C17orf67: variants seen among roughly 807,000 people sequenced by gnomAD.
C17orf67 encodes uncharacterized protein C17orf67.
Under a neutral mutation model 11.2 loss-of-function variants are expected in C17orf67, and 12 were observed. The ratio of observed to expected loss-of-function variants is 1.07; its 90% CI spans 0.68 to 1.73. The LOEUF (loss-of-function observed/expected upper bound fraction) is 1.73. Ranked by LOEUF, C17orf67 falls within the 40% of genes most tolerant of loss-of-function variation. The probability of loss-of-function intolerance (pLI) is 0.00; values close to 1 mark genes in which losing one functional copy is unlikely to be tolerated. For missense variants in C17orf67, 115 were observed against 113.5 expected, an observed-to-expected ratio of 1.01 and a Z score of -0.06; for synonymous variants, 59 against 46.9, an observed-to-expected ratio of 1.26 and a Z score of -1.05.
intron 7 of C17orf67, among the ~76,000 whole-genome samples, 182 bp from the exon 8 acceptor site, chr17:56,792,534 GT>G (rs1905123096): frequency 6.7e-6 from 1 of 149,668 alleles, no homozygotes; most frequent in Non-Finnish European, 1.5e-5. Context: ...GGTGGTGGTG[GT>G]GGTGGTGATG....
At chr17:56,798,933 G>C (rs1028816100) in intron 6 of C17orf67, among the ~76,000 whole-genome samples, 4 of 152,212 alleles carry the variant, frequency 2.6e-5, no homozygotes, top group Non-Finnish European at 5.9e-5. Flanking sequence ...GAAGGTGAAG[G>C]GGAGCTGATA....
At chr17:56,826,231 GGT>G (rs1567801045) in intron 2 of C17orf67, among the ~76,000 whole-genome samples, 1 of 152,202 alleles carries the variant, frequency 6.6e-6, no homozygotes, top group Admixed American at 6.5e-5. Context: ...TGGGATTACA[GGT>G]GTGAGCCACC....
intron 6 of C17orf67, among the ~76,000 whole-genome samples, chr17:56,807,559 A>G (rs1905483204): frequency 6.6e-6 from 1 of 152,198 alleles, no homozygotes; most frequent in African/African-American, 2.4e-5. Context: ...AAGAGTTTAG[A>G]CCACAATCCT....
At chr17:56,802,744 A>T (rs148662149) in intron 6 of C17orf67, among the ~76,000 whole-genome samples, 72 of 152,354 alleles carry the variant, frequency 4.7e-4, no homozygotes, top group Non-Finnish European at 8.2e-4. Context: ...TGTGAAGGAG[A>T]GCATCTTTCC....
At chr17:56,799,918 C>G (rs903006956) in intron 6 of C17orf67, among the ~76,000 whole-genome samples, 1 of 141,896 alleles carries the variant, frequency 7.0e-6, no homozygotes, top group South Asian at 2.2e-4. Flanking sequence ...ATATAAAGAA[C>G]AAAAATAGCT....
In C17orf67 at chr17:56,833,207, G is replaced by T; in HGVS notation, c.-866C>A. On this transcript the variant is annotated 5_prime_UTR_variant, in exon 2 of 8. Coordinates refer to ENST00000397861, the MANE Select transcript of C17orf67 (RefSeq NM_001085430.4). ...GATTCCGTGTTTCTTCGGGGGTGCTGAGCAGCGGTGCTTCCGCGTCCGCGT... is the reference window on the plus strand; with the variant it reads ...GATTCCGTGTTTCTTCGGGGGTGCTTAGCAGCGGTGCTTCCGCGTCCGCGT... 1 of 153,736 alleles carries T rather than the reference G, an allele frequency of 6.5e-6. No individual in the cohort carries two copies. The highest frequency in any genetic ancestry group is 1.9e-4 in the South Asian group (1 of 5,300). 9.5% of individuals were successfully genotyped at this position (153,736 alleles called of 1,614,324 possible).
intron 6 of C17orf67, among the ~76,000 whole-genome samples, chr17:56,814,431 CAG>C (rs1344426453): frequency 6.6e-6 from 1 of 152,138 alleles, no homozygotes; most frequent in Non-Finnish European, 1.5e-5. Flanking sequence ...GGGATGAGAT[CAG>C]AGCAGAACCC....
intron 6 of C17orf67, among the ~76,000 whole-genome samples, chr17:56,808,077 T>A (rs1205710890): frequency 6.6e-6 from 1 of 152,056 alleles, no homozygotes; most frequent in East Asian, 1.9e-4. Context: ...TCTCTGAAAA[T>A]GTGGGGTCAA....
At chr17:56,805,971 C>CTTTTTTTTT (rs10684052) in intron 6 of C17orf67, among the ~76,000 whole-genome samples, 2 of 98,012 alleles carry the variant, frequency 2.0e-5, no homozygotes, top group Non-Finnish European at 3.8e-5. Context: ...GTTGATTTTC[C>CTTTTTTTTT]TTTTTTTTTT....
chr17:56,821,523 G>A (rs1008286356), intron 4 of C17orf67, among the ~76,000 whole-genome samples: 8 of 152,200 alleles, frequency 5.3e-5, no homozygotes, highest in Non-Finnish European at 7.4e-5. Context: ...CCACATCTAG[G>A]CCACTGTTAT....
At chr17:56,819,539 AGAGTCG>A (rs1905846399) in intron 4 of C17orf67, among the ~76,000 whole-genome samples, 1 of 152,032 alleles carries the variant, frequency 6.6e-6, no homozygotes, top group Non-Finnish European at 1.5e-5. Context: ...GAGACTGGAG[AGAGTCG>A]GAGCCTGTAT....
intron 2 of C17orf67, among the ~76,000 whole-genome samples, chr17:56,832,451 G>C (rs981280703): frequency 6.6e-6 from 1 of 152,124 alleles, no homozygotes; most frequent in African/African-American, 2.4e-5. Context: ...GTCTCTCTGG[G>C]ATGTAATGTC....
intron 6 of C17orf67, among the ~76,000 whole-genome samples, chr17:56,798,550 G>A (rs536959729): frequency 2.0e-5 from 3 of 152,132 alleles, no homozygotes; most frequent in South Asian, 4.2e-4. Flanking sequence ...CATGGCAGTC[G>A]GGCATCATGG....
intron 2 of C17orf67, among the ~76,000 whole-genome samples, chr17:56,831,957 T>C (rs1906216416): frequency 6.6e-6 from 1 of 151,388 alleles, no homozygotes; most frequent in Admixed American, 6.6e-5. Flanking sequence ...TTTTTCTTTC[T>C]TTTTTTTTGA....
chr17:56,814,721 TA>T lies in C17orf67; in HGVS notation c.156+147del, dbSNP rs535124686. ...ACCTCCAAAGGAGAAAATGCATAGG[TA>T]AAAGATTGAGATTGCAGCTATCTTC... On this transcript the variant is annotated intron_variant, in intron 6 of 7. Transcript: ENST00000397861. 490 of 766,026 alleles carry T rather than the reference TA, an allele frequency of 6.4e-4. 2 individuals carry two copies. The African/African-American group carries it at 6.5e-3, about 10-fold the overall frequency. 47.5% of individuals were successfully genotyped at this position (766,026 alleles called of 1,614,324 possible).
At chr17:56,818,167 A>G (rs921234174) in intron 4 of C17orf67, among the ~76,000 whole-genome samples, 3 of 152,112 alleles carry the variant, frequency 2.0e-5, no homozygotes, top group Admixed American at 6.5e-5. Flanking sequence ...AAAAAAAAAA[A>G]AAAGAAAAAA....
At chr17:56,828,300 G>A (rs1302095650) in intron 2 of C17orf67, among the ~76,000 whole-genome samples, 1 of 151,906 alleles carries the variant, frequency 6.6e-6, no homozygotes, top group Non-Finnish European at 1.5e-5. Flanking sequence ...AGCTACTCGG[G>A]AGGCTGAGGT....
At chr17:56,800,497 C>T (rs953595127) in intron 6 of C17orf67, among the ~76,000 whole-genome samples, 1 of 152,140 alleles carries the variant, frequency 6.6e-6, no homozygotes, top group African/African-American at 2.4e-5. Flanking sequence ...CAGCTACACC[C>T]ATCTCCTGAG....
intron 2 of C17orf67, among the ~76,000 whole-genome samples, chr17:56,829,470 C>T (rs766920538): frequency 6.6e-5 from 10 of 152,098 alleles, no homozygotes; most frequent in Non-Finnish European, 1.2e-4. Flanking sequence ...TTTTCCACAC[C>T]AGCCAGGCAG....
Sources: allele counts gnomAD v4.1 joint callset (sites outside exome capture counted in the v4.1 genomes callset), GRCh38; gene constraint gnomAD v4.1.1; transcripts MANE v1.5; gene names NCBI Gene and HGNC (gene_info 2026-07-23, HGNC 2026-07-21).